WWOX: variants seen among roughly 807,000 people sequenced by gnomAD.
WWOX encodes WW domain containing oxidoreductase.
In WWOX, 69 loss-of-function variants were observed where a neutral mutation model predicts 46.2. The ratio of observed to expected loss-of-function variants is 1.49; its 90% CI spans 1.23 to 1.82. The LOEUF (loss-of-function observed/expected upper bound fraction) is 1.82. Ranked by LOEUF, WWOX falls within the 40% of genes most tolerant of loss-of-function variation. The pLI is 0.00. For missense variants in WWOX, 919 were observed against 542.6 expected (o/e 1.69, Z -6.89); for synonymous variants, 359 against 202.6 (o/e 1.77, Z -6.56).
chr16:79,154,141 C>G (rs867625800), intron 8 of WWOX, among the ~76,000 whole-genome samples: 1 of 152,158 alleles, frequency 6.6e-6, no homozygotes, highest in Non-Finnish European at 1.5e-5. Context: ...TGTCAGAGCC[C>G]TAAATGGTAT....
chr16:78,109,281 A>G (rs1204198458), intron 2 of WWOX, among the ~76,000 whole-genome samples: 4 of 151,920 alleles, frequency 2.6e-5, no homozygotes, highest in African/African-American at 9.7e-5. Context: ...GTGCCTGGGA[A>G]TTCGAGGTGA....
At chr16:78,526,336 TGTG>T (rs887038814) in intron 8 of WWOX, 11 of 152,406 alleles carry the variant, frequency 7.2e-5, no homozygotes, top group African/African-American at 2.6e-4. Context: ...CAAGAGGAAA[TGTG>T]GTGCTGAGCC....
intron 5 of WWOX, among the ~76,000 whole-genome samples, chr16:78,280,141 A>T (rs990634427): frequency 2.6e-5 from 4 of 152,172 alleles, no homozygotes; most frequent in Non-Finnish European, 5.9e-5. Flanking sequence ...CTGTTGTGGG[A>T]TTTCCCTTTA....
At chr16:78,632,516 C>G (rs2046458252) in intron 8 of WWOX, among the ~76,000 whole-genome samples, 1 of 149,224 alleles carries the variant, frequency 6.7e-6, no homozygotes. Context: ...TTAGTGTCCT[C>G]CTCATACCAC....
chr16:78,928,792 G>A (rs535398668), intron 8 of WWOX, among the ~76,000 whole-genome samples: 1 of 152,134 alleles, frequency 6.6e-6, no homozygotes, highest in Non-Finnish European at 1.5e-5. Context: ...GATCGTGCAA[G>A]CCTCAGTTTT....
chr16:78,404,908 A>C (rs1328081110), intron 6 of WWOX, among the ~76,000 whole-genome samples: 1 of 152,210 alleles, frequency 6.6e-6, no homozygotes, highest in Non-Finnish European at 1.5e-5. Flanking sequence ...AAGGAATGAG[A>C]CCTGCATGTC....
chr16:78,278,082 T>G (rs1444951209), intron 5 of WWOX, among the ~76,000 whole-genome samples: 1 of 152,196 alleles, frequency 6.6e-6, no homozygotes, highest in Non-Finnish European at 1.5e-5. Context: ...CTGATGATGT[T>G]TCCATAATGC....
intron 8 of WWOX, among the ~76,000 whole-genome samples, chr16:78,859,821 A>G (rs913562018): frequency 8.0e-6 from 1 of 125,542 alleles, no homozygotes; most frequent in Non-Finnish European, 1.7e-5. Context: ...GAGGAAATTT[A>G]ATGTGATTTA....
intron 8 of WWOX, among the ~76,000 whole-genome samples, chr16:78,812,775 T>G (rs1357908251): frequency 2.0e-5 from 3 of 152,044 alleles, no homozygotes; most frequent in Non-Finnish European, 2.9e-5. Context: ...TAATGCAGAA[T>G]CAGCACTAAT....
At chr16:78,795,610 C>T (rs1021617313) in intron 8 of WWOX, among the ~76,000 whole-genome samples, 11 of 152,188 alleles carry the variant, frequency 7.2e-5, no homozygotes, top group African/African-American at 2.7e-4. Context: ...GAGCACCACG[C>T]CTCACTAATG....
intron 8 of WWOX, among the ~76,000 whole-genome samples, chr16:78,521,772 A>C (rs970471688): frequency 1.4e-5 from 2 of 140,854 alleles, no homozygotes. Context: ...CAACACTTTA[A>C]CACATAACTT....
chr16:78,916,535 C>T (rs1176214488), intron 8 of WWOX, among the ~76,000 whole-genome samples: 1 of 152,140 alleles, frequency 6.6e-6, no homozygotes, highest in African/African-American at 2.4e-5. Context: ...TTATAATTTA[C>T]CATCCAATGG....
At chr16:78,781,534 T>G (rs1295114698) in intron 8 of WWOX, among the ~76,000 whole-genome samples, 1 of 152,244 alleles carries the variant, frequency 6.6e-6, no homozygotes, top group Non-Finnish European at 1.5e-5. Flanking sequence ...GGCGATGGGT[T>G]AATACCTGTT....
rs2151918545 is a variant in WWOX at position 78,367,955 on chromosome 16, C to A, written c.517-18905C>A. Among the ~76,000 whole-genome samples, 5 of 152,196 alleles carry A rather than the reference C, an allele frequency of 3.3e-5. No homozygotes were observed. The South Asian group carries it at 1.0e-3, about 32-fold the overall frequency. On this transcript the variant is annotated intron_variant, in intron 5 of 8. Transcript: ENST00000566780. ...TATTTTTAGTGGAGACGGGATTTCA[C>A]CATGTTGGTCAGGCTGGTGTCAAAC...
intron 8 of WWOX, among the ~76,000 whole-genome samples, chr16:78,801,754 G>A (rs953037215): frequency 6.6e-6 from 1 of 152,020 alleles, no homozygotes; most frequent in African/African-American, 2.4e-5. Flanking sequence ...TAGTGTATAT[G>A]GATTGATGAC....
intron 8 of WWOX, among the ~76,000 whole-genome samples, chr16:79,139,615 CTTTTT>C (rs1302171050): frequency 6.6e-6 from 1 of 151,406 alleles, no homozygotes; most frequent in Non-Finnish European, 1.5e-5. Flanking sequence ...TCTTTCTTTT[CTTTTT>C]TTAAGGATCA....
intron 8 of WWOX, among the ~76,000 whole-genome samples, chr16:79,064,271 A>G (rs2048404398): frequency 6.6e-6 from 1 of 152,248 alleles, no homozygotes; most frequent in South Asian, 2.1e-4. Flanking sequence ...ATCCTTAGTC[A>G]TTTAGAAAGA....
intron 8 of WWOX, among the ~76,000 whole-genome samples, chr16:78,675,313 A>G (rs180946107): frequency 6.6e-6 from 1 of 152,246 alleles, no homozygotes; most frequent in Non-Finnish European, 1.5e-5. Context: ...AGAACCGTAC[A>G]CTGTAGTAAG....
chr16:78,825,251 G>C (rs1369610532), intron 8 of WWOX: 1 of 243,908 alleles, frequency 4.1e-6, no homozygotes, highest in East Asian at 1.0e-4. Flanking sequence ...GGCACAATCT[G>C]CTTTCCTTTT....
Sources: gnomAD v4.1 joint callset for allele counts (sites outside exome capture counted in the v4.1 genomes callset) on GRCh38, gnomAD v4.1.1 for gene constraint, MANE v1.5 for transcripts, NCBI Gene and HGNC (gene_info 2026-07-23, HGNC 2026-07-21) for gene names.